Variants in PPP1R9A observed in about 807,000 individuals in gnomAD.
The protein encoded by PPP1R9A is protein phosphatase 1 regulatory subunit 9A, also known as neurabin-1.
In PPP1R9A, 59 loss-of-function variants were observed where a neutral mutation model predicts 141.9. That is an observed-to-expected ratio of 0.42 (90% confidence interval 0.34 to 0.52). The LOEUF is 0.52. PPP1R9A is among the 20% of genes least tolerant of loss of function. The probability of loss-of-function intolerance (pLI) is 0.10; values close to 1 mark genes in which losing one functional copy is unlikely to be tolerated. For synonymous variants in PPP1R9A, 500 were observed against 569.7 expected (o/e 0.88, Z 1.74); for missense variants, 1,444 against 1,611.9 (o/e 0.90, Z 1.78).
intron 2 of PPP1R9A, among the ~76,000 whole-genome samples, chr7:95,014,923 A>G (rs977199009): frequency 1.3e-5 from 2 of 151,988 alleles, no homozygotes; most frequent in African/African-American, 4.8e-5. Context: ...GAATTATCCC[A>G]GATTTGGCCT....
chr7:95,008,053 C>T lies in PPP1R9A; in HGVS notation c.1395+96545C>T, dbSNP rs140809895. 4.7e-3 allele frequency among the ~76,000 whole-genome samples: 718 copies of T among 152,236 alleles called. 1 individual carries two copies. The highest frequency in any genetic ancestry group is 7.2e-3 in the Non-Finnish European group (492 of 68,010). The stretch of plus-strand genomic sequence containing the variant: ...TGCCATTGCGCTTCAGCCTGGGGGA[C>T]AGAGTGAGACTCCATCTCAAATAAA... On this transcript the variant is annotated intron_variant, in intron 2 of 19. Coordinates refer to ENST00000433360, the MANE Select transcript of PPP1R9A (RefSeq NM_001166160.2).
At chr7:95,218,632 C>T (rs985073632) in intron 7 of PPP1R9A, among the ~76,000 whole-genome samples, 5 of 151,976 alleles carry the variant, frequency 3.3e-5, no homozygotes, top group Non-Finnish European at 7.4e-5. Flanking sequence ...TAAGGACTTG[C>T]TTTATGAATC....
chr7:95,259,490 G>C (rs1193339888), intron 12 of PPP1R9A, among the ~76,000 whole-genome samples: 2 of 151,892 alleles, frequency 1.3e-5, no homozygotes, highest in African/African-American at 2.4e-5. Context: ...TATCCATAAG[G>C]GTGCTCCTAA....
chr7:95,113,545 AAC>A (rs996618796), intron 3 of PPP1R9A, among the ~76,000 whole-genome samples: 1 of 152,220 alleles, frequency 6.6e-6, no homozygotes, highest in Non-Finnish European at 1.5e-5. Context: ...CAACCAAACA[AAC>A]AAGCAAATAT....
chr7:95,012,943 C>T (rs144698137), intron 2 of PPP1R9A, among the ~76,000 whole-genome samples: 5 of 152,196 alleles, frequency 3.3e-5, no homozygotes, highest in East Asian at 1.9e-4. Context: ...AATTTACTAG[C>T]GGGATGGGAT....
chr7:95,232,073 A>G (rs1206890030), intron 8 of PPP1R9A, among the ~76,000 whole-genome samples: 1 of 152,172 alleles, frequency 6.6e-6, no homozygotes, highest in Non-Finnish European at 1.5e-5. Context: ...AGCTGATACC[A>G]CAGAAATAGA....
At chr7:95,154,382 AGTTGAT>A (rs1342988157) in intron 4 of PPP1R9A, among the ~76,000 whole-genome samples, 1 of 152,092 alleles carries the variant, frequency 6.6e-6, no homozygotes, top group Non-Finnish European at 1.5e-5. Flanking sequence ...CTGAGAAGAT[AGTTGAT>A]GTGATTTCAT....
intron 2 of PPP1R9A, among the ~76,000 whole-genome samples, chr7:95,040,475 CA>C (rs932234387): frequency 4.0e-5 from 6 of 149,984 alleles, no homozygotes; most frequent in African/African-American, 9.8e-5. Flanking sequence ...CTTGTTTCTA[CA>C]AAAAAAAATT....
In PPP1R9A at chr7:94,987,163, A is replaced by G. The variant is rs560496920; in HGVS notation, c.1395+75655A>G. 5.3e-5 allele frequency among the ~76,000 whole-genome samples: 8 copies of G among 152,356 alleles called. No homozygotes were observed. In the South Asian group the frequency reaches 1.7e-3, roughly 32 times the overall value. The stretch of plus-strand genomic sequence containing the variant: ...GAGAACATTGTGTGGTTGACAAAGT[A>G]GGGAATATTTGTCGTTTTCAAACCT... On this transcript the variant is annotated intron_variant, in intron 2 of 19. Coordinates refer to ENST00000433360, the MANE Select transcript of PPP1R9A (RefSeq NM_001166160.2).
intron 19 of PPP1R9A, among the ~76,000 whole-genome samples, chr7:95,288,973 A>G (rs1200501707): frequency 6.6e-6 from 1 of 152,144 alleles, no homozygotes; most frequent in Admixed American, 6.5e-5. Context: ...CTGGCAACAC[A>G]TGGTCCATAT....
chr7:95,195,280 GTT>G (rs375295273), intron 5 of PPP1R9A, among the ~76,000 whole-genome samples: 3 of 141,842 alleles, frequency 2.1e-5, no homozygotes, highest in Admixed American at 7.2e-5. Context: ...AAAGCCATCA[GTT>G]TTTTTTTTTT....
intron 2 of PPP1R9A, among the ~76,000 whole-genome samples, chr7:95,098,570 C>T (rs117626436): frequency 2.1e-3 from 325 of 152,170 alleles, no homozygotes; most frequent in Non-Finnish European, 3.6e-3. Context: ...TGGCCTCATC[C>T]GTGTTTTGGC....
intron 2 of PPP1R9A, among the ~76,000 whole-genome samples, chr7:95,093,528 A>G (rs986547438): frequency 2.0e-5 from 3 of 152,212 alleles, no homozygotes; most frequent in Non-Finnish European, 4.4e-5. Context: ...AATACATTTG[A>G]AAAGTAAATT....
chr7:95,027,774 A>G (rs1280149816), intron 2 of PPP1R9A, among the ~76,000 whole-genome samples: 1 of 152,152 alleles, frequency 6.6e-6, no homozygotes, highest in Admixed American at 6.5e-5. Flanking sequence ...TTGTATCACG[A>G]TGGTAAGTAT....
chr7:95,169,534 A>C (rs1831795910), intron 5 of PPP1R9A, among the ~76,000 whole-genome samples: 1 of 151,932 alleles, frequency 6.6e-6, no homozygotes, highest in Admixed American at 6.6e-5. Flanking sequence ...AGAGCACTTG[A>C]AATGTTCCCA....
chr7:95,083,007 G>A (rs538790910), intron 2 of PPP1R9A, among the ~76,000 whole-genome samples: 3 of 151,572 alleles, frequency 2.0e-5, no homozygotes, highest in Non-Finnish European at 2.9e-5. Context: ...CGCCCACCTC[G>A]GCCTCCCAAA....
chr7:94,964,044 T>C lies in PPP1R9A; in HGVS notation c.1395+52536T>C, dbSNP rs369026502. 2.0e-5 allele frequency among the ~76,000 whole-genome samples: 3 copies of C among 152,174 alleles called. No homozygotes were observed. The East Asian group carries it at 5.8e-4, about 29-fold the overall frequency. On this transcript the variant is annotated intron_variant, in intron 2 of 19. Coordinates refer to ENST00000433360, the MANE Select transcript of PPP1R9A (RefSeq NM_001166160.2). Reference sequence around the variant, plus strand: ...TTGGGGACACTGACTAAATTGTTTATTGTGCGCCTGTGTTCTGAATGCAAC... The same window carrying C: ...TTGGGGACACTGACTAAATTGTTTACTGTGCGCCTGTGTTCTGAATGCAAC...
chr7:95,159,425 A>G (rs1010177834), intron 4 of PPP1R9A, among the ~76,000 whole-genome samples: 1 of 152,134 alleles, frequency 6.6e-6, no homozygotes, highest in Non-Finnish European at 1.5e-5. Context: ...TATTATTATT[A>G]GTATTATACT....
At chr7:95,185,402 G>A (rs1294054743) in intron 5 of PPP1R9A, among the ~76,000 whole-genome samples, 1 of 150,226 alleles carries the variant, frequency 6.7e-6, no homozygotes, top group Admixed American at 6.6e-5. Context: ...TTACTGATTG[G>A]CATTCTCTAT....
Sources: allele counts gnomAD v4.1 joint callset (sites outside exome capture counted in the v4.1 genomes callset), GRCh38; gene constraint gnomAD v4.1.1; transcripts MANE v1.5; gene names NCBI Gene and HGNC (gene_info 2026-07-23, HGNC 2026-07-21).